The following DNAJB1 variants were observed in gnomAD, a reference collection of about 807,000 sequenced individuals.
The protein encoded by DNAJB1 is dnaJ homolog subfamily B member 1.
In DNAJB1, 14 loss-of-function variants were observed where a neutral mutation model predicts 24.0. The ratio of observed to expected loss-of-function variants is 0.58; its 90% CI spans 0.39 to 0.91. The LOEUF (loss-of-function observed/expected upper bound fraction) is 0.91. DNAJB1 is among the 40% of genes least tolerant of loss of function. The pLI, the probability that DNAJB1 is intolerant of heterozygous loss-of-function variation, is 0.00. For synonymous variants in DNAJB1, 262 were observed against 174.4 expected (o/e 1.50, Z -3.96); for missense variants, 517 against 458.1 (o/e 1.13, Z -1.17).
chr19:14,546,581 G>A (rs1020612362), intron 1 of DNAJB1, among the ~76,000 whole-genome samples: 1 of 152,094 alleles, frequency 6.6e-6, no homozygotes, highest in Non-Finnish European at 1.5e-5. Context: ...ACAGAAACAG[G>A]GCTCTCACTA....
intron 1 of DNAJB1, among the ~76,000 whole-genome samples, chr19:14,555,649 C>T (rs890605604): frequency 2.6e-5 from 4 of 151,954 alleles, no homozygotes; most frequent in Non-Finnish European, 4.4e-5. Flanking sequence ...CCATGTTGGC[C>T]AGGCTGGTCT....
chr19:14,530,120 CAG>C (rs2072571714), upstream of DNAJB1: 2 of 317,984 alleles, frequency 6.3e-6, no homozygotes, highest in Admixed American at 4.4e-5. Context: ...GCTTTGCTAT[CAG>C]TATTCTTGTG....
chr19:14,552,464 C>T (rs1450308009), upstream of DNAJB1, among the ~76,000 whole-genome samples: 3 of 151,984 alleles, frequency 2.0e-5, no homozygotes, highest in East Asian at 3.9e-4. Flanking sequence ...TTACCTTGGG[C>T]GAGGGCTTCC....
intron 1 of DNAJB1, among the ~76,000 whole-genome samples, chr19:14,538,350 C>T (rs541504731): frequency 4.6e-5 from 7 of 151,976 alleles, no homozygotes; most frequent in African/African-American, 1.5e-4. Context: ...GCCAGGATAA[C>T]GACACCTGGG....
upstream of DNAJB1, chr19:14,532,054 A>G (rs1159245847): frequency 1.3e-5 from 2 of 151,604 alleles, no homozygotes; most frequent in Admixed American, 6.6e-5. Context: ...AGCTTGAAAC[A>G]TGCAGTTTGG....
upstream of DNAJB1, among the ~76,000 whole-genome samples, chr19:14,522,683 G>GACACACACACACACACAC (rs56121204): frequency 8.5e-5 from 10 of 117,898 alleles, no homozygotes; most frequent in East Asian, 7.0e-4. Context: ...CACACACACA[G>GACACACACACACACACAC]ACACACACAC....
At chr19:14,549,474 C>T (rs905642577) in intron 1 of DNAJB1, among the ~76,000 whole-genome samples, 4 of 151,908 alleles carry the variant, frequency 2.6e-5, no homozygotes, top group Admixed American at 6.6e-5. Context: ...CCCTCCTTGG[C>T]CCCCTAACCC....
At position 14,518,387 on chromosome 19, in the gene DNAJB1, C is replaced by G; in HGVS notation, c.-38G>C. On this transcript the variant is annotated 5_prime_UTR_variant, in exon 1 of 3. Transcript: ENST00000254322. ...CGGCCCGCCGACCCGCTGTCGCCGT[C>G]CCCCGGCTCCGCCGCCGACCAGTCC... 1 of 1,518,346 alleles carries G rather than the reference C, an allele frequency of 6.6e-7. No homozygotes were observed. 94.1% of individuals were successfully genotyped at this position (1,518,346 alleles called of 1,614,324 possible). A position where few individuals can be genotyped will look rare whatever the true frequency, so the allele number is the denominator to read the frequency against.
chr19:14,516,038 C>G lies in DNAJB1; in HGVS notation c.925G>C (p.Glu309Gln), dbSNP rs749934387. The change falls in exon 3 of 3, where the codon GAG becomes CAG. Residue 309 changes from glutamate to glutamine, a missense_variant. Glu to Gln is a conservative substitution (Grantham distance 29). Transcript: ENST00000254322. ...GEGLPLPKTP[E>Q]KRGDLIIEFE... ...TCAATAATGAGGTCCCCACGTTTCT[C>G]GGGTGTTTTGGGGAGGGGGAGGCCT... 6.2e-7 allele frequency: 1 copy of G among 1,612,904 alleles called. No homozygotes were observed. The highest frequency in any genetic ancestry group is 1.3e-5 in the African/African-American group (1 of 74,770).
intron 1 of DNAJB1, among the ~76,000 whole-genome samples, chr19:14,547,343 C>CTATTTTATTT (rs149850437): frequency 6.6e-6 from 1 of 151,592 alleles, no homozygotes; most frequent in African/African-American, 2.4e-5. Context: ...CGTACCTGGC[C>CTATTTTATTT]TATTTTATTT....
Position 14,516,150 on chromosome 19 carries a change from C to T in DNAJB1, c.813G>A (p.Val271=). ...TCCTGCCGTCCAGAGTGGGGACGTT[C>T]ACTGTGCAGCCACACAGAGCCTTGA... is the stretch of plus-strand genomic sequence containing the variant. ...SLREALCGCT[V]NVPTLDGRTI... Residue 271 remains valine, a synonymous_variant, in exon 3 of 3, where the codon GTG becomes GTA. Transcript: ENST00000254322. 1 of 1,613,554 alleles carries T rather than the reference C, an allele frequency of 6.2e-7. No individual in the cohort carries two copies. Among genetic ancestry groups the T allele is most frequent in the Non-Finnish European group, 8.5e-7 (1 of 1,179,918 alleles).
upstream of DNAJB1, among the ~76,000 whole-genome samples, chr19:14,520,581 C>G (rs185548179): frequency 7.9e-5 from 12 of 152,332 alleles, no homozygotes; most frequent in East Asian, 1.4e-3. Flanking sequence ...AGCAAGAACT[C>G]TGGACTAGAA....
chr19:14,554,373 G>C (rs1046907407), upstream of DNAJB1, among the ~76,000 whole-genome samples: 2 of 152,186 alleles, frequency 1.3e-5, no homozygotes, highest in African/African-American at 4.8e-5. Flanking sequence ...GGCCGGCCCA[G>C]AATCCAAGCT....
chr19:14,540,203 G>A (rs1309601966), intron 1 of DNAJB1, among the ~76,000 whole-genome samples: 2 of 151,910 alleles, frequency 1.3e-5, no homozygotes, highest in Non-Finnish European at 2.9e-5. Flanking sequence ...GGGAGTACAG[G>A]CACCCACCAC....
upstream of DNAJB1, chr19:14,518,485 G>A (rs8102350): frequency 3.0e-5 from 17 of 573,508 alleles, no homozygotes; most frequent in South Asian, 4.5e-4. Flanking sequence ...CGCCCCGCCC[G>A]CCCCCGCGGC....
chr19:14,519,165 C>T (rs1475121128), upstream of DNAJB1, among the ~76,000 whole-genome samples: 2 of 152,072 alleles, frequency 1.3e-5, no homozygotes, highest in Non-Finnish European at 2.9e-5. Flanking sequence ...GTCAGGAGTT[C>T]GAGACCAGCC....
At chr19:14,531,865 T>A (rs1273542333), upstream of DNAJB1, 1 of 152,136 alleles carries the variant, frequency 6.6e-6, no homozygotes, top group African/African-American at 2.4e-5. Context: ...ACTCTATATC[T>A]AAACCTGTAG....
At position 14,516,169 on chromosome 19, in the gene DNAJB1, G is replaced by A. The variant is rs765857048; in HGVS notation, c.794C>T (p.Ala265Val). 2.5e-6 allele frequency: 4 copies of A among 1,613,382 alleles called. No individual in the cohort carries two copies. The highest frequency in any genetic ancestry group is 3.4e-6 in the Non-Finnish European group (4 of 1,179,884). ...IYPARISLRE[A>V]LCGCTVNVPT... ...GACGTTCACTGTGCAGCCACACAGAGCCTTGAAAAGCAAAAGGACAGCATT... is the reference window on the plus strand; with the variant it reads ...GACGTTCACTGTGCAGCCACACAGAACCTTGAAAAGCAAAAGGACAGCATT... The change falls in exon 3 of 3, where the codon GCT becomes GTT. Residue 265 changes from alanine to valine, a missense_variant and splice_region_variant. By Grantham distance (64) the Ala-to-Val change is moderately conservative (BLOSUM62 0). Transcript: ENST00000254322.
chr19:14,549,017 T>G (rs1041308775), intron 1 of DNAJB1, among the ~76,000 whole-genome samples: 4 of 78,582 alleles, frequency 5.1e-5, no homozygotes, highest in African/African-American at 3.9e-4. Flanking sequence ...GTTTCTTTGA[T>G]TTTTTTTTTC....
Sources: gnomAD v4.1 joint callset for allele counts (sites outside exome capture counted in the v4.1 genomes callset) on GRCh38, gnomAD v4.1.1 for gene constraint, MANE v1.5 for transcripts, NCBI Gene and HGNC (gene_info 2026-07-23, HGNC 2026-07-21) for gene names.